SVIL: variants seen among roughly 807,000 people sequenced by gnomAD.
SVIL encodes the protein archvillin.
A neutral mutation model predicts 240.4 loss-of-function variants in SVIL; 101 were observed. The ratio of observed to expected loss-of-function variants is 0.42; its 90% confidence interval spans 0.36 to 0.50. The LOEUF is 0.50. Ranked by LOEUF, SVIL falls within the 20% of genes least tolerant of loss-of-function variation. The pLI, the probability that SVIL is intolerant of heterozygous loss-of-function variation, is 0.01. For synonymous variants in SVIL, 999 were observed against 1,100.0 expected (o/e 0.91, Z 1.82); for missense variants, 2,512 against 2,818.7 (o/e 0.89, Z 2.46).
chr10:29,704,926 T>C (rs765812973), intron 1 of SVIL, among the ~76,000 whole-genome samples: 3 of 152,164 alleles, frequency 2.0e-5, no homozygotes, highest in African/African-American at 4.8e-5. Context: ...AAAGAAGCAA[T>C]TTAAAAAATT....
chr10:29,685,574 G>A (rs1027106536), intron 2 of SVIL, among the ~76,000 whole-genome samples: 7 of 152,110 alleles, frequency 4.6e-5, no homozygotes, highest in Non-Finnish European at 7.3e-5. Flanking sequence ...CAACCTCGCC[G>A]GCATCTGTTA....
At chr10:29,636,952 C>T (rs1958331351), upstream of SVIL, among the ~76,000 whole-genome samples, 1 of 152,088 alleles carries the variant, frequency 6.6e-6, no homozygotes, top group African/African-American at 2.4e-5. Context: ...CAGATGTGCA[C>T]CACCACACTG....
chr10:29,638,040 A>C (rs890208012), upstream of SVIL, among the ~76,000 whole-genome samples: 1 of 152,198 alleles, frequency 6.6e-6, no homozygotes, highest in Non-Finnish European at 1.5e-5. Context: ...CATCAGTGTC[A>C]ATATCCTGGT....
At chr10:29,517,467 G>A (rs1193751932) in intron 16 of SVIL, among the ~76,000 whole-genome samples, 2 of 151,954 alleles carry the variant, frequency 1.3e-5, no homozygotes, top group Non-Finnish European at 2.9e-5. Context: ...AAGAAAAGGA[G>A]GGAGTAAAGG....
intron 3 of SVIL, among the ~76,000 whole-genome samples, chr10:29,562,396 A>C (rs1473470885): frequency 6.6e-6 from 1 of 152,258 alleles, no homozygotes; most frequent in Non-Finnish European, 1.5e-5. Context: ...TCCTTGGGGA[A>C]GAAGAAAGAT....
intron 36 of SVIL, among the ~76,000 whole-genome samples, chr10:29,459,270 G>A (rs959578931): frequency 5.3e-5 from 8 of 152,038 alleles, no homozygotes; most frequent in African/African-American, 1.4e-4. Context: ...GCCACCACGC[G>A]CACCTAATAA....
At chr10:29,496,009 A>G (rs975501650) in intron 18 of SVIL, among the ~76,000 whole-genome samples, 3 of 152,242 alleles carry the variant, frequency 2.0e-5, no homozygotes, top group Admixed American at 6.5e-5. Context: ...CATTTGTAAT[A>G]AATGTGAAAT....
At chr10:29,721,235 C>T (rs904250519) in intron 1 of SVIL, among the ~76,000 whole-genome samples, 35 of 96,360 alleles carry the variant, frequency 3.6e-4, no homozygotes, top group African/African-American at 1.1e-3. Flanking sequence ...GGAATCATTA[C>T]AAAAACAAAC....
Position 29,524,601 on chromosome 10 carries a change from C to T in SVIL, c.2457G>A (p.Leu819=), listed in dbSNP as rs1714590503. 2.5e-5 allele frequency: 41 copies of T among 1,614,102 alleles called. No individual in the cohort carries two copies. Among genetic ancestry groups the T allele is most frequent in the Non-Finnish European group, 3.4e-5 (40 of 1,180,032 alleles). ...DSSTLSLAEK[L]ALFNKLSQPV... is the part of the protein sequence containing the mutation. ...GCTGGGACAATTTGTTAAACAAGGC[C>T]AACTTTTCGGCCAAGCTTAGAGTGG... Residue 819 remains leucine (L), a synonymous_variant, in exon 14 of 38, where the codon TTG becomes TTA. Transcript: ENST00000355867.
At chr10:29,656,192 T>A (rs559208751) in intron 3 of SVIL, among the ~76,000 whole-genome samples, 16 of 151,992 alleles carry the variant, frequency 1.1e-4, no homozygotes, top group South Asian at 2.1e-4. Context: ...TTTTTTTTTT[T>A]TAAAAACATG....
chr10:29,563,536 G>T (rs1196354213), intron 2 of SVIL, among the ~76,000 whole-genome samples: 1 of 152,186 alleles, frequency 6.6e-6, no homozygotes, highest in African/African-American at 2.4e-5. Context: ...GGTGTGATGT[G>T]TGAAAACATT....
At chr10:29,629,937 G>A (rs12768994) in intron 1 of SVIL, among the ~76,000 whole-genome samples, 2,130 of 149,090 alleles carry the variant, frequency 0.014, 169 homozygotes, top group Non-Finnish European at 0.02. Flanking sequence ...CCATGGTCAT[G>A]CCATTGCATT....
chr10:29,580,549 A>AG (rs1955897434), intron 1 of SVIL, among the ~76,000 whole-genome samples: 1 of 152,230 alleles, frequency 6.6e-6, no homozygotes. Context: ...GCTCCTCCAG[A>AG]GGTCCGTACG....
intron 1 of SVIL, among the ~76,000 whole-genome samples, chr10:29,624,683 G>C (rs190692197): frequency 4.0e-5 from 6 of 151,826 alleles, no homozygotes; most frequent in Admixed American, 6.6e-5. Flanking sequence ...AAAAAAAAAT[G>C]AGCTCATTAA....
chr10:29,667,179 A>G (rs1959372886), intron 2 of SVIL, among the ~76,000 whole-genome samples: 1 of 152,188 alleles, frequency 6.6e-6, no homozygotes, highest in Admixed American at 6.5e-5. Flanking sequence ...TTTCCATAAA[A>G]ATCTGCTCAT....
intron 13 of SVIL, 69 bp downstream of exon 13, chr10:29,526,892 A>G: frequency 8.0e-7 from 1 of 1,242,910 alleles, no homozygotes; most frequent in Non-Finnish European, 1.1e-6. Flanking sequence ...GACATTCAAG[A>G]CTTTAGGATG....
At chr10:29,615,539 CTTAA>C (rs574546604) in intron 1 of SVIL, among the ~76,000 whole-genome samples, 145 of 152,350 alleles carry the variant, frequency 9.5e-4, no homozygotes, top group African/African-American at 3.2e-3. Flanking sequence ...AACAAAAACA[CTTAA>C]TTACTTTCCT....
At chr10:29,486,620 T>G (rs1172513051) in intron 24 of SVIL, 63 bp from the exon 25 acceptor site, 14 of 1,594,320 alleles carry the variant, frequency 8.8e-6, no homozygotes, top group Non-Finnish European at 1.2e-5. Flanking sequence ...GAGTGGCACA[T>G]GTCAAAACCA....
chr10:29,631,013 C>T (rs1409329171), intron 1 of SVIL, among the ~76,000 whole-genome samples: 2 of 152,118 alleles, frequency 1.3e-5, no homozygotes, highest in Admixed American at 6.5e-5. Flanking sequence ...TGACTGCAGC[C>T]CTAGAGTACA....
Sources: allele counts gnomAD v4.1 joint callset (sites outside exome capture counted in the v4.1 genomes callset), GRCh38; gene constraint gnomAD v4.1.1; transcripts MANE v1.5; gene names NCBI Gene and HGNC (gene_info 2026-07-23, HGNC 2026-07-21).